Variants in MRC1 observed in about 807,000 individuals in gnomAD.
MRC1 encodes macrophage mannose receptor 1.
MRC1 carries 62 observed loss-of-function variants against 102.9 expected under a neutral mutation model. The ratio of observed to expected loss-of-function variants is 0.60; its 90% CI spans 0.49 to 0.74. The LOEUF is 0.74. MRC1 is among the 30% of genes least tolerant of loss of function. The pLI is 0.00. For missense variants in MRC1, 1,237 were observed against 862.8 expected, an observed-to-expected ratio of 1.43 and a Z score of -5.43; for synonymous variants, 457 against 298.4, an observed-to-expected ratio of 1.53 and a Z score of -5.48.
intron 28 of MRC1, among the ~76,000 whole-genome samples, chr10:17,909,016 G>C (rs1833933693): frequency 6.6e-6 from 1 of 152,138 alleles, no homozygotes; most frequent in Non-Finnish European, 1.5e-5. Flanking sequence ...AATGTAACTT[G>C]GAGAATCACA....
chr10:17,850,686 C>T (rs952789670), intron 7 of MRC1, among the ~76,000 whole-genome samples: 6 of 152,064 alleles, frequency 3.9e-5, no homozygotes, highest in Admixed American at 2.6e-4. Context: ...CTTCATTTCC[C>T]CCCAGCAAAA....
intron 26 of MRC1, among the ~76,000 whole-genome samples, chr10:17,903,305 A>G (rs1310102310): frequency 7.0e-6 from 1 of 143,320 alleles, no homozygotes; most frequent in African/African-American, 2.6e-5. Context: ...TGGTCCCCCT[A>G]TTCCTCTATT....
At chr10:17,897,148 A>T (rs1833766398) in intron 23 of MRC1, among the ~76,000 whole-genome samples, 1 of 152,164 alleles carries the variant, frequency 6.6e-6, no homozygotes, top group Non-Finnish European at 1.5e-5. Context: ...CTCTATCCCC[A>T]ACCATTTAAA....
intron 22 of MRC1, among the ~76,000 whole-genome samples, chr10:17,892,991 A>C (rs1329113063): frequency 9.4e-5 from 14 of 149,066 alleles, no homozygotes; most frequent in Non-Finnish European, 1.8e-4. Flanking sequence ...GCCTGGCGAC[A>C]GAGCGAGACT....
At chr10:17,849,883 A>G (rs1238039471) in intron 7 of MRC1, 119 bp downstream of exon 7, 2 of 616,450 alleles carry the variant, frequency 3.2e-6, no homozygotes, top group Non-Finnish European at 3.0e-6. Context: ...CAATAATTCA[A>G]CGAACAACGT....
chr10:17,814,820 C>T (rs1838286064), intron 1 of MRC1, among the ~76,000 whole-genome samples: 2 of 151,412 alleles, frequency 1.3e-5, no homozygotes, highest in Non-Finnish European at 2.9e-5. Context: ...GTGCACCACC[C>T]TGCCAGGCTA....
At position 17,813,705 on chromosome 10, in the gene MRC1, T is replaced by A. The variant is rs954737305; in HGVS notation, c.61+4179T>A. On this transcript the variant is annotated intron_variant, in intron 1 of 29. Coordinates refer to ENST00000569591, the MANE Select transcript of MRC1 (RefSeq NM_002438.4). Reference sequence around the variant, plus strand: ...CATTATATATATATATATATATTTTTTTTTTTTTTTGAGACAGGGTCTCAC... The same window carrying A: ...CATTATATATATATATATATATTTTATTTTTTTTTTGAGACAGGGTCTCAC... 3.8e-3 allele frequency among the ~76,000 whole-genome samples: 539 copies of A among 140,664 alleles called. 3 individuals carry two copies. Among genetic ancestry groups the A allele is most frequent in the African/African-American group, 6.9e-3 (268 of 38,978 alleles). 92.3% of individuals were successfully genotyped at this position (140,664 alleles called of 152,430 possible). A position where few individuals can be genotyped will look rare whatever the true frequency, so the allele number is the denominator to read the frequency against.
rs991235113 is a variant in MRC1, at chr10:17,842,600, C to T, written c.916+1794C>T. Among the ~76,000 whole-genome samples, 3 of 152,294 alleles carry T rather than the reference C, an allele frequency of 2.0e-5. No individual in the cohort carries two copies. The South Asian group carries it at 6.2e-4, about 32-fold the overall frequency. ...AAATTTAGGTGTCTGTCTACCTATT[C>T]AGCCAGATGCAATTAGAGAATACTA... is the stretch of plus-strand genomic sequence containing the variant. On this transcript the variant is annotated intron_variant, in intron 5 of 29. Transcript: ENST00000569591.
At position 17,906,892 on chromosome 10, in the gene MRC1, C is replaced by A; in HGVS notation, c.3806C>A (p.Ser1269Tyr). 1.3e-6 allele frequency: 1 copy of A among 785,842 alleles called. No individual in the cohort carries two copies. The highest frequency in any genetic ancestry group is 2.4e-5 in the East Asian group (1 of 41,210). 48.7% of individuals were successfully genotyped at this position (785,842 alleles called of 1,614,324 possible). ...ATCCTTTTACGCTTTCTAGGTTCCT[C>A]TCTGGTTTCCATTGAAAGTGCTGCA... ...ASLECLRMGS[S>Y]LVSIESAAES... The change falls in exon 27 of 30, where the codon TCT (serine) becomes TAT (tyrosine). Residue 1269 changes from serine (S) to tyrosine (Y), a missense_variant. Coordinates refer to ENST00000569591, the MANE Select transcript of MRC1 (RefSeq NM_002438.4).
chr10:17,870,599 A>C (rs925886559), intron 13 of MRC1, among the ~76,000 whole-genome samples: 2 of 152,216 alleles, frequency 1.3e-5, no homozygotes, highest in African/African-American at 4.8e-5. Context: ...CAAGATGCTT[A>C]ATACGTATTT....
chr10:17,875,033 C>T lies in MRC1; in HGVS notation c.2387-57C>T, dbSNP rs956429010. On this transcript the variant is annotated intron_variant, in intron 16 of 29. Coordinates refer to ENST00000569591, the MANE Select transcript of MRC1 (RefSeq NM_002438.4). Reference sequence around the variant, plus strand: ...CTTTCACCTTTGTGTGCTGTACACACCAGATTCTTGAATTTGTCTGCATAA... The same window carrying T: ...CTTTCACCTTTGTGTGCTGTACACATCAGATTCTTGAATTTGTCTGCATAA... The T allele has an allele frequency of 5.1e-6, 4 of 780,446 alleles. No homozygotes were observed. In the African/African-American group the frequency reaches 6.8e-5, roughly 13 times the overall value. 48.3% of individuals were successfully genotyped at this position (780,446 alleles called of 1,614,324 possible). A position where few individuals can be genotyped will look rare whatever the true frequency, so the allele number is the denominator to read the frequency against.
At chr10:17,829,897 T>C (rs1838543374) in intron 3 of MRC1, among the ~76,000 whole-genome samples, 2 of 151,470 alleles carry the variant, frequency 1.3e-5, no homozygotes, top group Non-Finnish European at 2.9e-5. Flanking sequence ...GTATCTTGAG[T>C]TTGTTCAGTG....
intron 1 of MRC1, among the ~76,000 whole-genome samples, chr10:17,819,417 G>C (rs1838361853): frequency 6.6e-6 from 1 of 151,720 alleles, no homozygotes; most frequent in South Asian, 2.1e-4. Context: ...GGAGCAAAGA[G>C]AATGAATTAG....
At chr10:17,907,118 T>C in intron 27 of MRC1, 119 bp downstream of exon 27, 3 of 701,020 alleles carry the variant, frequency 4.3e-6, no homozygotes, top group South Asian at 3.4e-5. Flanking sequence ...AATTTGAAAA[T>C]TCAAACTCAT....
chr10:17,858,059 A>G (rs1055674127), intron 9 of MRC1, among the ~76,000 whole-genome samples: 7 of 152,224 alleles, frequency 4.6e-5, no homozygotes, highest in Non-Finnish European at 8.8e-5. Context: ...GAAAATTTAT[A>G]GATATGACAT....
chr10:17,815,026 A>G (rs1400759452), intron 1 of MRC1, among the ~76,000 whole-genome samples: 1 of 152,040 alleles, frequency 6.6e-6, no homozygotes, highest in Non-Finnish European at 1.5e-5. Context: ...TTATTCTGAA[A>G]CATCTCACAC....
At chr10:17,877,806 C>G (rs1265259299) in intron 17 of MRC1, 94 bp from the exon 18 acceptor site, 1 of 844,904 alleles carries the variant, frequency 1.2e-6, no homozygotes, top group Non-Finnish European at 2.1e-6. Flanking sequence ...GATAAGGTTT[C>G]GATTAGGCTG....
At chr10:17,903,575 T>C (rs1332689050) in intron 26 of MRC1, among the ~76,000 whole-genome samples, 4 of 151,916 alleles carry the variant, frequency 2.6e-5, no homozygotes, top group African/African-American at 7.3e-5. Context: ...TTTGTATTTT[T>C]AGTAGAGACA....
intron 21 of MRC1, among the ~76,000 whole-genome samples, chr10:17,882,006 A>G (rs888149322): frequency 2.0e-5 from 3 of 151,834 alleles, no homozygotes; most frequent in African/African-American, 7.3e-5. Context: ...AGCCAGAACT[A>G]TGAAGGAGGA....
Sources: allele counts gnomAD v4.1 joint callset (sites outside exome capture counted in the v4.1 genomes callset), GRCh38; gene constraint gnomAD v4.1.1; transcripts MANE v1.5; gene names NCBI Gene and HGNC (gene_info 2026-07-23, HGNC 2026-07-21).